Variants in MAGI1 observed in about 807,000 individuals in gnomAD.
MAGI1 encodes the protein membrane-associated guanylate kinase, WW and PDZ domain-containing protein 1.
In MAGI1, 58 loss-of-function variants were observed where a neutral mutation model predicts 139.9. That is an observed-to-expected ratio of 0.41 (90% CI 0.34 to 0.52). The LOEUF is 0.52. Among genes scored for constraint, MAGI1 ranks in the 20% least tolerant of loss-of-function variants. The pLI, the probability that MAGI1 is intolerant of heterozygous loss-of-function variation, is 0.12. For missense variants in MAGI1, 1,874 were observed against 1,901.6 expected (o/e 0.99, Z 0.27); for synonymous variants, 812 against 737.9 (o/e 1.10, Z -1.63).
intron 14 of MAGI1, among the ~76,000 whole-genome samples, chr3:65,386,212 C>A (rs1356724545): frequency 1.3e-5 from 2 of 148,198 alleles, no homozygotes; most frequent in Non-Finnish European, 3.0e-5. Context: ...TTGTGGCCAA[C>A]AGATTTAGGC....
intron 2 of MAGI1, among the ~76,000 whole-genome samples, chr3:65,551,876 G>A (rs1221599432): frequency 6.6e-6 from 1 of 152,188 alleles, no homozygotes; most frequent in Non-Finnish European, 1.5e-5. Flanking sequence ...ACAAAGAGGA[G>A]CAATTTGACA....
intron 1 of MAGI1, among the ~76,000 whole-genome samples, chr3:65,848,178 CTGTT>C (rs1259493232): frequency 6.6e-6 from 1 of 152,298 alleles, no homozygotes; most frequent in African/African-American, 2.4e-5. Flanking sequence ...CCACGTGTCT[CTGTT>C]TGGTTTACTG....
At chr3:65,733,788 C>G (rs1351567750) in intron 1 of MAGI1, among the ~76,000 whole-genome samples, 1 of 152,180 alleles carries the variant, frequency 6.6e-6, no homozygotes, top group East Asian at 1.9e-4. Flanking sequence ...CTTGCCTGCT[C>G]AGTCCAGAAG....
At chr3:66,019,341 C>T (rs966578044) in intron 1 of MAGI1, among the ~76,000 whole-genome samples, 1 of 152,112 alleles carries the variant, frequency 6.6e-6, no homozygotes, top group African/African-American at 2.4e-5. Context: ...TACAGTACCC[C>T]GACCCCTACC....
chr3:66,000,302 C>T (rs561874954), intron 1 of MAGI1, among the ~76,000 whole-genome samples: 19 of 152,142 alleles, frequency 1.2e-4, no homozygotes, highest in South Asian at 1.0e-3. Context: ...GATAAAACAG[C>T]TTGACATTCC....
intron 8 of MAGI1, among the ~76,000 whole-genome samples, chr3:65,442,057 CT>C (rs1948374905): frequency 6.8e-6 from 1 of 147,108 alleles, no homozygotes; most frequent in South Asian, 2.2e-4. Flanking sequence ...TCATTTTTCT[CT>C]GAGGAAACTA....
chr3:65,745,570 A>G (rs1433434585), intron 1 of MAGI1, among the ~76,000 whole-genome samples: 1 of 152,266 alleles, frequency 6.6e-6, no homozygotes, highest in Admixed American at 6.5e-5. Context: ...ACCAGGCAGA[A>G]CCAAATGTAA....
intron 2 of MAGI1, chr3:65,533,026 T>C (rs969808375): frequency 6.6e-6 from 1 of 152,248 alleles, no homozygotes; most frequent in Non-Finnish European, 1.5e-5. Flanking sequence ...TGTAAATGTC[T>C]GCCTCCTTCC....
At chr3:66,033,516 G>A (rs2068753931) in intron 1 of MAGI1, among the ~76,000 whole-genome samples, 1 of 151,856 alleles carries the variant, frequency 6.6e-6, no homozygotes, top group Non-Finnish European at 1.5e-5. Flanking sequence ...AGATTCATGA[G>A]AAACCAAACA....
At chr3:66,013,464 TAAAGAA>T in intron 1 of MAGI1, among the ~76,000 whole-genome samples, 1 of 126,238 alleles carries the variant, frequency 7.9e-6, no homozygotes, top group East Asian at 2.4e-4. Context: ...GGAACCAAAT[TAAAGAA>T]AAAGATAGAG....
In MAGI1 at chr3:65,849,001, C is replaced by CTTTTT. The variant is rs558270441; in HGVS notation, c.313+188990_313+188994dup. ...GCAGCTCAAGACTATTCAGAGCATTCTTTTTTTTTTTTTTTTTTTTTTTTT... is the reference window on the plus strand; with the variant it reads ...GCAGCTCAAGACTATTCAGAGCATTCTTTTTTTTTTTTTTTTTTTTTTTTTTTTTT... On this transcript the variant is annotated intron_variant, in intron 1 of 22. Transcript: ENST00000402939. Among the ~76,000 whole-genome samples the CTTTTT allele has an allele frequency of 3.0e-3, 118 of 39,640 alleles. 20 individuals are homozygous for CTTTTT. Among genetic ancestry groups the CTTTTT allele is most frequent in the Middle Eastern group, 0.021 (1 of 48 alleles). The allele number at this position is 39,640 out of a possible 152,430, so 26.0% of individuals were successfully genotyped here. A position where few individuals can be genotyped will look rare whatever the true frequency, so the allele number is the denominator to read the frequency against.
At chr3:65,855,080 T>C (rs1052034019) in intron 1 of MAGI1, among the ~76,000 whole-genome samples, 1 of 152,146 alleles carries the variant, frequency 6.6e-6, no homozygotes, top group Non-Finnish European at 1.5e-5. Flanking sequence ...TTATTTAAAC[T>C]CTGGGCTGAT....
At chr3:65,553,293 G>C (rs531633969) in intron 2 of MAGI1, among the ~76,000 whole-genome samples, 1 of 152,094 alleles carries the variant, frequency 6.6e-6, no homozygotes, top group South Asian at 2.1e-4. Context: ...TGGCCACCCA[G>C]AACTTATATT....
rs1029306937 is a variant in MAGI1, at chr3:65,875,369, T to G, written c.313+162627A>C. On this transcript the variant is annotated intron_variant, in intron 1 of 22. Transcript: ENST00000402939. ...TATTTAGTTGTAAACTTTAAATGAG[T>G]GATTTGTATGGTATTTGAATTATAT... Among the ~76,000 whole-genome samples, 7 of 152,270 alleles carry G rather than the reference T, an allele frequency of 4.6e-5. No homozygotes were observed. The South Asian group carries it at 8.3e-4, about 18-fold the overall frequency.
chr3:65,450,449 TGTGAAGAAAA>T (rs1318092085), intron 6 of MAGI1, among the ~76,000 whole-genome samples: 3 of 151,958 alleles, frequency 2.0e-5, no homozygotes, highest in Admixed American at 6.6e-5. Context: ...TAGAAATAGG[TGTGAAGAAAA>T]GTGACATATC....
chr3:65,546,096 T>C (rs374597096), intron 2 of MAGI1, among the ~76,000 whole-genome samples: 3 of 152,136 alleles, frequency 2.0e-5, no homozygotes, highest in African/African-American at 4.8e-5. Context: ...ATGTTTTCTA[T>C]GCACACGCAC....
At chr3:65,990,883 A>T (rs771897968) in intron 1 of MAGI1, among the ~76,000 whole-genome samples, 1 of 152,146 alleles carries the variant, frequency 6.6e-6, no homozygotes, top group Non-Finnish European at 1.5e-5. Context: ...GATACTTGGG[A>T]GGCTGAGGCA....
At chr3:65,800,395 A>T (rs985428121) in intron 1 of MAGI1, among the ~76,000 whole-genome samples, 2 of 152,194 alleles carry the variant, frequency 1.3e-5, no homozygotes, top group African/African-American at 4.8e-5. Flanking sequence ...TACACTGAAG[A>T]GTATCTTTTA....
chr3:65,729,360 T>A (rs190101172), intron 1 of MAGI1, among the ~76,000 whole-genome samples: 7 of 152,304 alleles, frequency 4.6e-5, no homozygotes, highest in Admixed American at 1.3e-4. Flanking sequence ...CAGCTAACAA[T>A]ACAGTTAGGA....
Sources: gnomAD v4.1 joint callset for allele counts (sites outside exome capture counted in the v4.1 genomes callset) on GRCh38, gnomAD v4.1.1 for gene constraint, MANE v1.5 for transcripts, NCBI Gene and HGNC (gene_info 2026-07-23, HGNC 2026-07-21) for gene names.